Variants in HMBOX1 observed in about 807,000 individuals in gnomAD.
HMBOX1 encodes homeobox-containing protein 1.
HMBOX1 carries 14 observed loss-of-function variants against 54.5 expected under a neutral mutation model. The observed-to-expected ratio is 0.26, with a 90% CI of 0.17 to 0.40. HMBOX1 has a LOEUF of 0.40. Ranked by LOEUF, HMBOX1 falls within the 10% of genes least tolerant of loss-of-function variation. The probability of loss-of-function intolerance (pLI) is 1.00; values close to 1 mark genes in which losing one functional copy is unlikely to be tolerated. For synonymous variants in HMBOX1, 160 were observed against 181.0 expected (o/e 0.88, Z 0.93); for missense variants, 332 against 514.4 (o/e 0.65, Z 3.43).
chr8:29,011,948 C>A (rs1288872956), intron 5 of HMBOX1, among the ~76,000 whole-genome samples: 1 of 152,106 alleles, frequency 6.6e-6, no homozygotes, highest in African/African-American at 2.4e-5. Flanking sequence ...ATTATTGTCA[C>A]CTTTTAAAAA....
intron 1 of HMBOX1, among the ~76,000 whole-genome samples, chr8:28,893,290 T>A (rs1198067627): frequency 2.0e-5 from 3 of 152,160 alleles, no homozygotes; most frequent in Admixed American, 6.5e-5. Context: ...TCTCAGCATG[T>A]GAGAGTCATA....
At chr8:28,926,056 T>C (rs1467701880) in intron 1 of HMBOX1, among the ~76,000 whole-genome samples, 1 of 152,012 alleles carries the variant, frequency 6.6e-6, no homozygotes. Context: ...CCTGTCACTT[T>C]GGGAGTGCAA....
intron 1 of HMBOX1, among the ~76,000 whole-genome samples, chr8:28,920,278 T>G (rs1817324119): frequency 6.6e-6 from 1 of 152,198 alleles, no homozygotes; most frequent in African/African-American, 2.4e-5. Flanking sequence ...CACTATTGAG[T>G]TCCTACTATA....
intron 3 of HMBOX1, among the ~76,000 whole-genome samples, chr8:28,979,323 ATTTG>A (rs1417768822): frequency 6.6e-6 from 1 of 152,242 alleles, no homozygotes; most frequent in Non-Finnish European, 1.5e-5. Context: ...TCTTTTGAGA[ATTTG>A]TTGAGTCTAA....
chr8:29,049,111 T>C, intron 9 of HMBOX1, 63 bp downstream of exon 9: 1 of 1,536,486 alleles, frequency 6.5e-7, no homozygotes, highest in Non-Finnish European at 9.0e-7. Flanking sequence ...GTGGGACAGC[T>C]TAGTTCCTTG....
At chr8:29,019,004 T>C (rs931669790) in intron 6 of HMBOX1, 91 bp downstream of exon 6, 3 of 1,136,400 alleles carry the variant, frequency 2.6e-6, no homozygotes, top group Non-Finnish European at 3.9e-6. Flanking sequence ...TTCAAACAAG[T>C]AACTTGGTAT....
At chr8:28,967,929 A>T (rs1361715181) in intron 2 of HMBOX1, among the ~76,000 whole-genome samples, 3 of 152,210 alleles carry the variant, frequency 2.0e-5, no homozygotes, top group Non-Finnish European at 4.4e-5. Flanking sequence ...GGTCCACAGA[A>T]TGTGTGTGTT....
chr8:28,909,617 C>T (rs887365574), intron 1 of HMBOX1, among the ~76,000 whole-genome samples: 10 of 152,166 alleles, frequency 6.6e-5, no homozygotes, highest in African/African-American at 2.4e-5. Context: ...GTCTTTCACA[C>T]CAGACACAGC....
intron 4 of HMBOX1, among the ~76,000 whole-genome samples, chr8:28,987,887 A>G (rs1830396678): frequency 6.6e-6 from 1 of 152,198 alleles, no homozygotes; most frequent in Non-Finnish European, 1.5e-5. Context: ...TGATTCTCAC[A>G]AAATAAACTT....
Position 29,007,764 on chromosome 8 carries a change from C to T in HMBOX1, c.587-1308C>T, listed in dbSNP as rs547693817. On this transcript the variant is annotated intron_variant, in intron 4 of 9. Coordinates refer to ENST00000287701, the MANE Select transcript of HMBOX1 (RefSeq NM_001135726.3). ...GAGAGGGTGTGGTGAGCCATGATTG[C>T]GCCACTGCACTCCAGCCTGGGAGAC... Among the ~76,000 whole-genome samples, 5 of 152,162 alleles carry T rather than the reference C, an allele frequency of 3.3e-5. No homozygotes were observed. The South Asian group carries it at 8.3e-4, about 25-fold the overall frequency.
intron 6 of HMBOX1, among the ~76,000 whole-genome samples, chr8:29,029,404 T>C (rs1449535078): frequency 2.0e-5 from 3 of 152,240 alleles, no homozygotes. Flanking sequence ...TGGATGTTTC[T>C]TTGGACAGCA....
Position 29,036,906 on chromosome 8 carries a change from G to A in HMBOX1, c.852-8455G>A, listed in dbSNP as rs868786300. On this transcript the variant is annotated intron_variant, in intron 6 of 9. Transcript: ENST00000287701. ...TCAGCTTAAAGGTCTTTGATTCTTT[G>A]TCAGATCTACTCTGTTACATCGAAA... 3.2e-4 allele frequency among the ~76,000 whole-genome samples: 48 copies of A among 152,244 alleles called. 1 individual carries two copies. The Middle Eastern group carries it at 0.031, about 97-fold the overall frequency.
At chr8:28,912,020 C>T (rs1373584044) in intron 1 of HMBOX1, among the ~76,000 whole-genome samples, 1 of 152,144 alleles carries the variant, frequency 6.6e-6, no homozygotes, top group Non-Finnish European at 1.5e-5. Flanking sequence ...TACCTTTTCA[C>T]AATGCTGGGC....
intron 6 of HMBOX1, among the ~76,000 whole-genome samples, chr8:29,027,638 G>A (rs1367544725): frequency 6.6e-6 from 1 of 152,178 alleles, no homozygotes; most frequent in Non-Finnish European, 1.5e-5. Flanking sequence ...GAAGGAAAGA[G>A]AAGCAACAAC....
At chr8:28,988,397 G>A (rs1333465998) in intron 4 of HMBOX1, among the ~76,000 whole-genome samples, 5 of 152,224 alleles carry the variant, frequency 3.3e-5, no homozygotes, top group Non-Finnish European at 5.9e-5. Flanking sequence ...AACATCTTGT[G>A]TACAAGTTTT....
At chr8:28,988,382 C>T (rs116315574) in intron 4 of HMBOX1, among the ~76,000 whole-genome samples, 156 of 152,340 alleles carry the variant, frequency 1.0e-3, no homozygotes, top group African/African-American at 3.7e-3. Context: ...AACTAAGCTG[C>T]TGTGAACATC....
At chr8:28,908,559 A>G (rs763069407) in intron 1 of HMBOX1, among the ~76,000 whole-genome samples, 11 of 152,198 alleles carry the variant, frequency 7.2e-5, no homozygotes, top group Non-Finnish European at 1.2e-4. Flanking sequence ...GTTTGACACC[A>G]GCCTGACCAA....
At chr8:29,004,480 A>G (rs1833129490) in intron 4 of HMBOX1, among the ~76,000 whole-genome samples, 2 of 152,172 alleles carry the variant, frequency 1.3e-5, no homozygotes, top group African/African-American at 4.8e-5. Context: ...ACAAGAAAGG[A>G]TTATGGTGGA....
intron 4 of HMBOX1, among the ~76,000 whole-genome samples, chr8:29,008,061 G>A (rs956812609): frequency 5.3e-5 from 8 of 152,122 alleles, no homozygotes; most frequent in African/African-American, 9.7e-5. Context: ...GGGACGAGTC[G>A]ACACAGGTGA....
Sources: allele counts gnomAD v4.1 joint callset (sites outside exome capture counted in the v4.1 genomes callset), GRCh38; gene constraint gnomAD v4.1.1; transcripts MANE v1.5; gene names NCBI Gene and HGNC (gene_info 2026-07-23, HGNC 2026-07-21).